The following PTPRO variants were observed in gnomAD, a reference collection of about 807,000 sequenced individuals.
PTPRO encodes receptor-type tyrosine-protein phosphatase O.
In PTPRO, 62 loss-of-function variants were observed where a neutral mutation model predicts 145.2. That is an observed-to-expected ratio of 0.43 (90% CI 0.35 to 0.53). PTPRO has a LOEUF of 0.53. Among genes scored for constraint, PTPRO ranks in the 20% least tolerant of loss-of-function variants. The pLI is 0.01. For synonymous variants in PTPRO, 565 were observed against 514.7 expected (o/e 1.10, Z -1.32); for missense variants, 1,345 against 1,482.7 (o/e 0.91, Z 1.53).
chr12:15,452,049 CA>C (rs1348243613), intron 1 of PTPRO, among the ~76,000 whole-genome samples: 1 of 151,796 alleles, frequency 6.6e-6, no homozygotes, highest in African/African-American at 2.4e-5. Flanking sequence ...ATAAATGAAA[CA>C]AAAAACTGGT....
chr12:15,477,778 T>C (rs1170534617), intron 1 of PTPRO, among the ~76,000 whole-genome samples: 1 of 152,104 alleles, frequency 6.6e-6, no homozygotes, highest in Non-Finnish European at 1.5e-5. Flanking sequence ...GGTCTGTCCA[T>C]CATAAGCACA....
chr12:15,344,870 C>T (rs1334726420), intron 1 of PTPRO, among the ~76,000 whole-genome samples: 2 of 152,270 alleles, frequency 1.3e-5, no homozygotes, highest in African/African-American at 2.4e-5. Context: ...TCATGCCTTA[C>T]GAACCAGTTC....
chr12:15,487,660 C>G (rs1410205591), intron 2 of PTPRO, among the ~76,000 whole-genome samples: 2 of 152,086 alleles, frequency 1.3e-5, no homozygotes, highest in Non-Finnish European at 2.9e-5. Flanking sequence ...GGGGTAGAGG[C>G]CCAAGGGGAA....
At chr12:15,416,545 T>C (rs1219926277) in intron 1 of PTPRO, among the ~76,000 whole-genome samples, 1 of 151,352 alleles carries the variant, frequency 6.6e-6, no homozygotes, top group African/African-American at 2.5e-5. Context: ...GGTCTCGATC[T>C]CCTGACCTCA....
chr12:15,488,035 A>T (rs1245296312), intron 2 of PTPRO, among the ~76,000 whole-genome samples: 2 of 151,934 alleles, frequency 1.3e-5, no homozygotes, highest in Admixed American at 1.3e-4. Flanking sequence ...GGGGCTGGTC[A>T]CTCCTTCGAA....
intron 1 of PTPRO, among the ~76,000 whole-genome samples, chr12:15,432,617 C>T (rs904257796): frequency 2.0e-5 from 3 of 152,216 alleles, no homozygotes; most frequent in Non-Finnish European, 2.9e-5. Flanking sequence ...TACACCCCCA[C>T]CATCAATGTA....
chr12:15,483,321 G>A (rs944939911), intron 1 of PTPRO, among the ~76,000 whole-genome samples: 2 of 152,102 alleles, frequency 1.3e-5, no homozygotes, highest in African/African-American at 2.4e-5. Flanking sequence ...GAGACTTGGA[G>A]CAAAGTTTTT....
intron 1 of PTPRO, among the ~76,000 whole-genome samples, chr12:15,335,865 G>A (rs1182845542): frequency 6.6e-6 from 1 of 152,054 alleles, no homozygotes; most frequent in Non-Finnish European, 1.5e-5. Context: ...CTAGATTGAT[G>A]TAACATCTTT....
At chr12:15,408,634 G>A (rs998937636) in intron 1 of PTPRO, among the ~76,000 whole-genome samples, 2 of 152,048 alleles carry the variant, frequency 1.3e-5, no homozygotes, top group Non-Finnish European at 2.9e-5. Context: ...CACCATGTTG[G>A]CCAGGCTGGT....
At chr12:15,582,537 G>A (rs192675286) in intron 23 of PTPRO, among the ~76,000 whole-genome samples, 19 of 152,292 alleles carry the variant, frequency 1.2e-4, no homozygotes, top group Non-Finnish European at 1.6e-4. Context: ...AGTTCATCTC[G>A]AATTAGCTCA....
At chr12:15,558,577 C>A (rs779973253) in intron 16 of PTPRO, among the ~76,000 whole-genome samples, 1 of 152,180 alleles carries the variant, frequency 6.6e-6, no homozygotes, top group East Asian at 1.9e-4. Flanking sequence ...CTAACATGTA[C>A]TACTTACATG....
chr12:15,583,498 C>CAA lies in PTPRO; in HGVS notation c.3255+1704_3255+1705dup, dbSNP rs1555096004. The stretch of plus-strand genomic sequence containing the variant: ...CTATCTCCACACACACACACACACA[C>CAA]AAAAAAAATCAACAAGAAAAATAGT... On this transcript the variant is annotated intron_variant, in intron 23 of 26. Coordinates refer to ENST00000281171, the MANE Select transcript of PTPRO (RefSeq NM_030667.3). Among the ~76,000 whole-genome samples the CAA allele has an allele frequency of 1.7e-3, 249 of 150,244 alleles. 1 individual carries two copies. The highest frequency in any genetic ancestry group is 5.3e-3 in the African/African-American group (215 of 40,526).
Position 15,388,048 on chromosome 12 carries a change from C to T in PTPRO, c.75+65247C>T, listed in dbSNP as rs1022310382. ...GATCCACCTAGTTATAAACAATGCT[C>T]ATTATAGAACAACCTCCAGCCGAGC... On this transcript the variant is annotated intron_variant, in intron 1 of 26. Transcript: ENST00000281171. Among the ~76,000 whole-genome samples, 4 of 152,128 alleles carry T rather than the reference C, an allele frequency of 2.6e-5. No individual in the cohort carries two copies. The East Asian group carries it at 7.7e-4, about 29-fold the overall frequency.
At chr12:15,330,213 G>A (rs923701991) in intron 1 of PTPRO, among the ~76,000 whole-genome samples, 1 of 152,208 alleles carries the variant, frequency 6.6e-6, no homozygotes, top group East Asian at 1.9e-4. Context: ...ACTAGTAGCA[G>A]GTTGTTGAAA....
chr12:15,400,592 G>T (rs1939465447), intron 1 of PTPRO, among the ~76,000 whole-genome samples: 1 of 152,110 alleles, frequency 6.6e-6, no homozygotes, highest in Non-Finnish European at 1.5e-5. Context: ...TCCTCCAACT[G>T]AGGCACCTTG....
chr12:15,447,866 A>C (rs1339602331), intron 1 of PTPRO, among the ~76,000 whole-genome samples: 1 of 152,174 alleles, frequency 6.6e-6, no homozygotes, highest in Non-Finnish European at 1.5e-5. Context: ...TCATTTCCAA[A>C]AATAAAAATC....
intron 1 of PTPRO, among the ~76,000 whole-genome samples, chr12:15,470,267 T>C (rs1386008609): frequency 2.0e-5 from 3 of 152,206 alleles, no homozygotes; most frequent in Non-Finnish European, 1.5e-5. Flanking sequence ...TCTGTAGTTA[T>C]AAGAATTGCC....
intron 1 of PTPRO, among the ~76,000 whole-genome samples, chr12:15,450,474 T>C (rs895188662): frequency 1.3e-5 from 2 of 152,338 alleles, no homozygotes; most frequent in South Asian, 4.1e-4. Flanking sequence ...AAATGTTTCA[T>C]TTAATTCTTA....
At chr12:15,518,253 C>T (rs768137553) in intron 9 of PTPRO, among the ~76,000 whole-genome samples, 103 of 152,204 alleles carry the variant, frequency 6.8e-4, no homozygotes, top group Non-Finnish European at 1.8e-4. Context: ...GAAGCCACCA[C>T]CTGATCTCTA....
Sources: allele counts gnomAD v4.1 joint callset (sites outside exome capture counted in the v4.1 genomes callset), GRCh38; gene constraint gnomAD v4.1.1; transcripts MANE v1.5; gene names NCBI Gene and HGNC (gene_info 2026-07-23, HGNC 2026-07-21).